The following SYNE2 variants were observed in gnomAD, a reference collection of about 807,000 sequenced individuals.
The protein encoded by SYNE2 is nesprin-2.
SYNE2 carries 431 observed loss-of-function variants against 856.3 expected under a neutral mutation model. The observed-to-expected ratio is 0.50, with a 90% CI of 0.47 to 0.55. The LOEUF (loss-of-function observed/expected upper bound fraction) is 0.55, where lower values mean the gene tolerates loss of function less well. Among genes scored for constraint, SYNE2 ranks in the 20% least tolerant of loss-of-function variants. The pLI is 0.00. For synonymous variants in SYNE2, 2,923 were observed against 2,872.3 expected (o/e 1.02, Z -0.56); for missense variants, 8,129 against 8,023.2 (o/e 1.01, Z -0.50).
chr14:63,869,593 G>A lies in SYNE2; in HGVS notation c.-52+16450G>A, dbSNP rs180992210. On this transcript the variant is annotated intron_variant, in intron 1 of 115. Transcript: ENST00000555002. ...AGAGGTTGCAGTGAGCTGAGATCGCGCCACTGCACTTGAGCCTGGGCAACA... is the reference window on the plus strand; with the variant it reads ...AGAGGTTGCAGTGAGCTGAGATCGCACCACTGCACTTGAGCCTGGGCAACA... Among the ~76,000 whole-genome samples the A allele has an allele frequency of 4.5e-3, 588 of 129,632 alleles. 8 individuals carry two copies. Among genetic ancestry groups the A allele is most frequent in the African/African-American group, 0.016 (548 of 34,244 alleles). 85.0% of individuals were successfully genotyped at this position (129,632 alleles called of 152,430 possible).
At chr14:64,075,193 A>G (rs1461115938) in intron 53 of SYNE2, among the ~76,000 whole-genome samples, 1 of 152,230 alleles carries the variant, frequency 6.6e-6, no homozygotes, top group Non-Finnish European at 1.5e-5. Context: ...GAACACAAAT[A>G]ATGCTACTGA....
At chr14:63,827,115 TA>T (rs1476421258) in intron 1 of SYNE2, among the ~76,000 whole-genome samples, 1 of 150,690 alleles carries the variant, frequency 6.6e-6, no homozygotes, top group Non-Finnish European at 1.5e-5. Flanking sequence ...CTATCTTTAC[TA>T]AAAATACAAA....
intron 50 of SYNE2, among the ~76,000 whole-genome samples, chr14:64,064,421 A>C (rs1264377852): frequency 6.6e-6 from 1 of 152,186 alleles, no homozygotes; most frequent in Non-Finnish European, 1.5e-5. Context: ...CATTTTATAC[A>C]AATAAATCTT....
chr14:63,828,346 G>A (rs1566593507), intron 1 of SYNE2, among the ~76,000 whole-genome samples: 1 of 152,116 alleles, frequency 6.6e-6, no homozygotes. Context: ...ATAATCTAAA[G>A]TATATGGGAT....
At chr14:63,810,085 T>G (rs1278700402) in intron 1 of SYNE2, among the ~76,000 whole-genome samples, 1 of 152,080 alleles carries the variant, frequency 6.6e-6, no homozygotes, top group East Asian at 1.9e-4. Context: ...ACTAGCCAGG[T>G]GGGATGGTAC....
chr14:64,113,115 C>T (rs994973356), intron 65 of SYNE2: 149 of 985,284 alleles, frequency 1.5e-4, no homozygotes, highest in Non-Finnish European at 1.7e-4. Context: ...CCTCTGTGCC[C>T]GGGAATACTG....
intron 99 of SYNE2, among the ~76,000 whole-genome samples, chr14:64,191,328 A>G (rs1409947235): frequency 2.0e-5 from 3 of 152,136 alleles, no homozygotes; most frequent in East Asian, 3.9e-4. Context: ...AAGTTGAGTC[A>G]GTTACATTAG....
chr14:63,942,012 G>C (rs1424786265), intron 5 of SYNE2, 39 bp from the exon 6 acceptor site: 3 of 1,597,122 alleles, frequency 1.9e-6, no homozygotes, highest in Non-Finnish European at 1.7e-6. Flanking sequence ...AATGCTCTGG[G>C]ATATTTCCTC....
rs370082813 is a variant in SYNE2 at position 63,770,549 on chromosome 14, C to T, written c.-305+8563C>T. Among the ~76,000 whole-genome samples, 32 of 152,258 alleles carry T rather than the reference C, an allele frequency of 2.1e-4. No homozygotes were observed. The East Asian group carries it at 5.0e-3, about 24-fold the overall frequency. ...GCACAGTGGCTTATGTCTGTAATCC[C>T]AGCACTTTGGGAGGCTAAAGCAGGA... On this transcript the variant is annotated intron_variant, in intron 1 of 23. Transcript: ENST00000674003.
intron 69 of SYNE2, 40 bp downstream of exon 69, chr14:64,122,173 T>C (rs1372514775): frequency 2.5e-6 from 4 of 1,614,190 alleles, no homozygotes; most frequent in South Asian, 1.1e-5. Context: ...TCAGTGGTTT[T>C]ATGACTGGGA....
intron 2 of SYNE2, among the ~76,000 whole-genome samples, chr14:63,939,284 C>T (rs1417461133): frequency 6.6e-6 from 1 of 150,724 alleles, no homozygotes; most frequent in African/African-American, 2.4e-5. Context: ...CTCAGAGGGG[C>T]AAGAAGGGCT....
At position 63,956,649 on chromosome 14, in the gene SYNE2, C is replaced by G. The variant is rs2096245291; in HGVS notation, c.787+1734C>G. On this transcript the variant is annotated intron_variant, in intron 8 of 115. Transcript: ENST00000555002. ...ACAGCCTGCCCTTCATGTCTGGGTTCCATATCCATGGAGTCAGCCAACACT... is the reference window on the plus strand; with the variant it reads ...ACAGCCTGCCCTTCATGTCTGGGTTGCATATCCATGGAGTCAGCCAACACT... Among the ~76,000 whole-genome samples, 6 of 152,132 alleles carry G rather than the reference C, an allele frequency of 3.9e-5. No individual in the cohort carries two copies. The South Asian group carries it at 1.2e-3, about 32-fold the overall frequency.
chr14:64,076,427 T>C (rs2097460283), intron 54 of SYNE2, among the ~76,000 whole-genome samples: 1 of 152,188 alleles, frequency 6.6e-6, no homozygotes, highest in South Asian at 2.1e-4. Flanking sequence ...TTTTGGATGT[T>C]AATACTTTGC....
rs530027070 is a variant in SYNE2 at position 63,913,519 on chromosome 14, G to A, written c.79+4292G>A. 2.8e-3 allele frequency among the ~76,000 whole-genome samples: 417 copies of A among 149,486 alleles called. 1 individual carries two copies. The highest frequency in any genetic ancestry group is 5.1e-3 in the Non-Finnish European group (347 of 67,656). On this transcript the variant is annotated intron_variant, in intron 2 of 115. Coordinates refer to ENST00000555002, the MANE Select transcript of SYNE2 (RefSeq NM_182914.3). ...GCTCTGTCACCCGGGCTGGAGTGCA[G>A]TGGTGTGACCTCGGTTCACTGCAAC...
chr14:64,172,579 G>A (rs546244072), intron 94 of SYNE2, among the ~76,000 whole-genome samples: 3 of 152,122 alleles, frequency 2.0e-5, no homozygotes, highest in East Asian at 1.9e-4. Context: ...CACATATATC[G>A]CTTCTGCCAC....
chr14:64,160,147 A>T (rs1033395076), intron 87 of SYNE2, among the ~76,000 whole-genome samples: 6 of 152,236 alleles, frequency 3.9e-5, no homozygotes, highest in Non-Finnish European at 7.3e-5. Flanking sequence ...TGGTGCCCTT[A>T]GCTCTTGATC....
intron 18 of SYNE2, among the ~76,000 whole-genome samples, 169 bp from the exon 19 acceptor site, chr14:63,986,287 A>T (rs2096625121): frequency 6.6e-6 from 1 of 152,120 alleles, no homozygotes; most frequent in Non-Finnish European, 1.5e-5. Flanking sequence ...TTTTGTAGAG[A>T]TGAGGTCCCG....
rs751448408 is a variant in SYNE2, at chr14:64,170,375, C to G, written c.17148C>G (p.Leu5716=). 3.1e-6 allele frequency: 5 copies of G among 1,614,194 alleles called. No homozygotes were observed. In the South Asian group the frequency reaches 5.5e-5, roughly 18 times the overall value. ...TTSVENLFRF[L]TDTSHLLSAV... The stretch of plus-strand genomic sequence containing the variant: ...CTGTGGAGAACTTGTTTCGCTTCCT[C>G]ACTGACACCAGCCACCTGCTATCTG... The change falls in exon 94 of 116, where the codon CTC becomes CTG. Residue 5716 remains leucine (L), a synonymous_variant. Coordinates refer to ENST00000555002, the MANE Select transcript of SYNE2 (RefSeq NM_182914.3).
rs1359442914 is a variant in SYNE2, at chr14:64,221,676, C to T, written c.20162C>T (p.Ala6721Val). 6.2e-7 allele frequency: 1 copy of T among 1,614,166 alleles called. No individual in the cohort carries two copies. The highest frequency in any genetic ancestry group is 1.7e-5 in the Admixed American group (1 of 60,006). Residue 6721 changes from alanine to valine, a missense_variant, in exon 112 of 116, where the codon GCT becomes GTT. Physicochemically the swap from Ala to Val is moderately conservative, Grantham distance 64 (BLOSUM62 0). Transcript: ENST00000555002. ...HVTDPKADPR[A>V]LLECRRELMQ... Reference sequence around the variant, plus strand: ...ACCGATCCAAAGGCAGACCCCCGGGCTCTCCTAGAGTGTCGGAGGGAACTA... The same window carrying T: ...ACCGATCCAAAGGCAGACCCCCGGGTTCTCCTAGAGTGTCGGAGGGAACTA...
Sources: gnomAD v4.1 joint callset for allele counts (sites outside exome capture counted in the v4.1 genomes callset) on GRCh38, gnomAD v4.1.1 for gene constraint, MANE v1.5 for transcripts, NCBI Gene and HGNC (gene_info 2026-07-23, HGNC 2026-07-21) for gene names.